Variants in GPD2 observed in about 807,000 individuals in gnomAD.
The protein encoded by GPD2 is glycerol-3-phosphate dehydrogenase, mitochondrial.
Under a neutral mutation model 82.4 loss-of-function variants are expected in GPD2, and 54 were observed. The ratio of observed to expected loss-of-function variants is 0.66; its 90% CI spans 0.53 to 0.82. The LOEUF is 0.82. Ranked by LOEUF, GPD2 falls within the 40% of genes least tolerant of loss-of-function variation. The pLI is 0.00. For missense variants in GPD2, 748 were observed against 896.2 expected (o/e 0.83, Z 2.11); for synonymous variants, 288 against 306.1 (o/e 0.94, Z 0.62).
chr2:156,549,541 C>A, intron 6 of GPD2, 67 bp from the exon 7 acceptor site: 1 of 1,384,858 alleles, frequency 7.2e-7, no homozygotes, highest in Non-Finnish European at 1.0e-6. Flanking sequence ...TTGTGACACA[C>A]TTTTGTACCA....
chr2:156,473,773 A>G (rs1558915989), intron 1 of GPD2: 1 of 152,226 alleles, frequency 6.6e-6, no homozygotes, highest in Non-Finnish European at 1.5e-5. Context: ...GTGAATGTTT[A>G]CAACAGTACA....
chr2:156,569,543 G>A lies in GPD2; in HGVS notation c.1476+5G>A. 2 of 1,605,230 alleles carry A rather than the reference G, an allele frequency of 1.2e-6. No individual in the cohort carries two copies. Among genetic ancestry groups the A allele is most frequent in the Admixed American group, 1.7e-5 (1 of 59,926 alleles). ...GATTATGGACTTGAAAGCGAGGTGA[G>A]TGTGCATTGCCACATCATCTTACTC... On this transcript the variant is annotated splice_donor_5th_base_variant and intron_variant, in intron 11 of 16. Coordinates refer to ENST00000438166, the MANE Select transcript of GPD2 (RefSeq NM_000408.5).
chr2:156,481,535 G>T (rs536083136), intron 2 of GPD2, among the ~76,000 whole-genome samples: 12 of 151,728 alleles, frequency 7.9e-5, no homozygotes, highest in Non-Finnish European at 1.8e-4. Flanking sequence ...TTAGCTCCTA[G>T]ATATGAGTCA....
the GPD2 span, among the ~76,000 whole-genome samples, chr2:156,426,197 A>G: frequency 1.3e-5 from 2 of 152,220 alleles, no homozygotes; most frequent in East Asian, 3.9e-4. Context: ...TGCTGGGATT[A>G]CAGGCGTGAG....
In GPD2 at chr2:156,493,958, G is replaced by A. The variant is rs62176586; in HGVS notation, c.103-2086G>A. Among the ~76,000 whole-genome samples the A allele has an allele frequency of 7.7e-3, 1,105 of 143,294 alleles. 19 individuals are homozygous for A. Among genetic ancestry groups the A allele is most frequent in the South Asian group, 0.017 (74 of 4,342 alleles). The allele number at this position is 143,294 out of a possible 152,430, so 94.0% of individuals were successfully genotyped here. A position where few individuals can be genotyped will look rare whatever the true frequency, so the allele number is the denominator to read the frequency against. On this transcript the variant is annotated intron_variant, in intron 2 of 16. Transcript: ENST00000438166. ...TGTGTGTGTGTGTGTGTGTGTGTGT[G>A]TATAATTTTTTTCCTCATTAGATGG...
chr2:156,412,981 C>T, the GPD2 span, among the ~76,000 whole-genome samples: 1 of 152,114 alleles, frequency 6.6e-6, no homozygotes, highest in East Asian at 1.9e-4. Flanking sequence ...TCTGTAGTCC[C>T]AGCTACTTGG....
At chr2:156,557,610 T>C (rs1037265630) in intron 9 of GPD2, 28 bp downstream of exon 9, 6 of 1,275,884 alleles carry the variant, frequency 4.7e-6, no homozygotes, top group Middle Eastern at 3.7e-4. Flanking sequence ...TAAGTTTGTC[T>C]CTCTGTGTCC....
chr2:156,551,814 G>A (rs957148436), intron 8 of GPD2, among the ~76,000 whole-genome samples: 3 of 152,126 alleles, frequency 2.0e-5, no homozygotes, highest in Non-Finnish European at 1.5e-5. Context: ...TTCTAACAAT[G>A]TATATAGAAA....
chr2:156,555,110 A>G (rs1558958862), intron 8 of GPD2, among the ~76,000 whole-genome samples: 2 of 152,254 alleles, frequency 1.3e-5, no homozygotes, highest in Non-Finnish European at 2.9e-5. Context: ...ACTTTTCCCG[A>G]AGGGAAAATA....
rs369249406 is a variant in GPD2, at chr2:156,553,288, C to T, written c.971+2542C>T. ...AGTGCTGTATCCCCAGCTATTGGTA[C>T]GGTGTCTGGCACGTATTAGTGCCCA... On this transcript the variant is annotated intron_variant, in intron 8 of 16. Coordinates refer to ENST00000438166, the MANE Select transcript of GPD2 (RefSeq NM_000408.5). Among the ~76,000 whole-genome samples, 15 of 152,002 alleles carry T rather than the reference C, an allele frequency of 9.9e-5. No individual in the cohort carries two copies. The East Asian group carries it at 2.3e-3, about 23-fold the overall frequency.
At chr2:156,508,277 C>T (rs1684858421) in intron 3 of GPD2, among the ~76,000 whole-genome samples, 1 of 151,878 alleles carries the variant, frequency 6.6e-6, no homozygotes, top group Admixed American at 6.6e-5. Context: ...TAACTCACAA[C>T]ATGACAGCTT....
At chr2:156,507,052 C>G (rs1684809447) in intron 3 of GPD2, among the ~76,000 whole-genome samples, 1 of 151,724 alleles carries the variant, frequency 6.6e-6, no homozygotes, top group African/African-American at 2.4e-5. Flanking sequence ...CTCACTGTAT[C>G]ACCTAGGCTG....
At chr2:156,568,253 TGC>T (rs1687462290) in intron 9 of GPD2, among the ~76,000 whole-genome samples, 1 of 152,136 alleles carries the variant, frequency 6.6e-6, no homozygotes, top group African/African-American at 2.4e-5. Flanking sequence ...TAATAACCAA[TGC>T]TATAGGGCTT....
intron 9 of GPD2, among the ~76,000 whole-genome samples, chr2:156,559,641 T>A (rs3769373): frequency 0.21 from 32,509 of 152,150 alleles, 4,234 homozygotes; most frequent in Middle Eastern, 0.3. Flanking sequence ...ATAGTATTAA[T>A]TGCTTTTAAT....
Position 156,513,436 on chromosome 2 carries a change from C to T in GPD2, c.601C>T (p.Leu201Phe). The change falls in exon 6 of 17, where the codon CTT becomes TTT. Residue 201 changes from leucine (L) to phenylalanine (F), a missense_variant. Physicochemically the swap from Leu to Phe is conservative, Grantham distance 22. Around this residue, in one of 3 missense-constraint regions of GPD2, gnomAD observed 692 missense variants for 809.7 expected, o/e 0.85. Coordinates refer to ENST00000438166, the MANE Select transcript of GPD2 (RefSeq NM_000408.5). ...TTATGTCCTCAGCAAATCAAGAGCC[C>T]TTGAACATTTCCCAATGCTCCAGAA... ...SSYVLSKSRA[L>F]EHFPMLQKDK... is the part of the protein sequence containing the mutation. 1 of 1,612,668 alleles carries T rather than the reference C, an allele frequency of 6.2e-7. No homozygotes were observed.
intron 6 of GPD2, among the ~76,000 whole-genome samples, chr2:156,543,763 G>A (rs145597986): frequency 1.4e-3 from 211 of 152,272 alleles, no homozygotes; most frequent in African/African-American, 4.3e-3. Flanking sequence ...TGGGCACTGC[G>A]GTCAGTCTGG....
intron 1 of GPD2, among the ~76,000 whole-genome samples, chr2:156,461,823 G>A (rs1382876043): frequency 6.6e-6 from 1 of 152,184 alleles, no homozygotes; most frequent in African/African-American, 2.4e-5. Context: ...CCCAGCCCCT[G>A]GAACAGTGCT....
At chr2:156,516,027 A>G (rs970359818) in intron 6 of GPD2, among the ~76,000 whole-genome samples, 8 of 152,244 alleles carry the variant, frequency 5.3e-5, no homozygotes, top group Non-Finnish European at 1.0e-4. Flanking sequence ...CAACAAAAGG[A>G]ATGAACGCCT....
chr2:156,486,317 C>G (rs1683936081), intron 2 of GPD2, among the ~76,000 whole-genome samples: 1 of 152,186 alleles, frequency 6.6e-6, no homozygotes, highest in African/African-American at 2.4e-5. Context: ...TATTTTGTTG[C>G]TGGCATACAA....
Sources: gnomAD v4.1 joint callset for allele counts (sites outside exome capture counted in the v4.1 genomes callset) on GRCh38, gnomAD v4.1.1 for gene constraint, gnomAD v4.1.1 regional missense constraint, MANE v1.5 for transcripts, NCBI Gene and HGNC (gene_info 2026-07-23, HGNC 2026-07-21) for gene names.